TOX2: variants seen among roughly 807,000 people sequenced by gnomAD.
The protein encoded by TOX2 is TOX high mobility group box family member 2.
Under a neutral mutation model 47.4 loss-of-function variants are expected in TOX2, and 15 were observed. The ratio of observed to expected loss-of-function variants is 0.32; its 90% confidence interval spans 0.21 to 0.49. The LOEUF (loss-of-function observed/expected upper bound fraction) is 0.49, where lower values mean the gene tolerates loss of function less well. TOX2 is among the 20% of genes least tolerant of loss of function. TOX2 has a pLI of 0.99. For synonymous variants in TOX2, 290 were observed against 296.6 expected, an observed-to-expected ratio of 0.98 and a Z score of 0.23; for missense variants, 622 against 673.1, an observed-to-expected ratio of 0.92 and a Z score of 0.84.
intron 1 of TOX2, among the ~76,000 whole-genome samples, chr20:43,959,167 C>A (rs1013533706): frequency 2.6e-5 from 4 of 152,144 alleles, no homozygotes; most frequent in Non-Finnish European, 5.9e-5. Flanking sequence ...GCATGCAAAA[C>A]CCTGCCTGTT....
At chr20:44,066,588 T>C in intron 7 of TOX2, 142 bp from the exon 8 acceptor site, 2 of 1,297,180 alleles carry the variant, frequency 1.5e-6, no homozygotes, top group Middle Eastern at 3.7e-4. Flanking sequence ...GGTGCTCTAC[T>C]GGGAGCAAGG....
chr20:44,013,418 C>T (rs1422505151), intron 3 of TOX2, among the ~76,000 whole-genome samples: 2 of 152,220 alleles, frequency 1.3e-5, no homozygotes, highest in Non-Finnish European at 2.9e-5. Context: ...CATAGGAATA[C>T]CCTCCCAAGT....
At chr20:43,976,923 A>C (rs199567639) in intron 2 of TOX2, among the ~76,000 whole-genome samples, 1 of 152,254 alleles carries the variant, frequency 6.6e-6, no homozygotes. Flanking sequence ...TGAAGCCCTC[A>C]CAGCCACTAG....
intron 1 of TOX2, among the ~76,000 whole-genome samples, chr20:43,926,931 G>T (rs150036753): frequency 6.6e-6 from 1 of 152,272 alleles, no homozygotes; most frequent in African/African-American, 2.4e-5. Context: ...TCTCTTTGCT[G>T]CCCCCTCCCT....
intron 3 of TOX2, chr20:44,039,211 T>C: frequency 1.6e-6 from 2 of 1,286,730 alleles, no homozygotes; most frequent in Non-Finnish European, 2.0e-6. Context: ...AAGGCTTCTC[T>C]GAGGAGGTGA....
intron 5 of TOX2, among the ~76,000 whole-genome samples, chr20:44,059,412 A>G (rs1048806796): frequency 5.3e-5 from 8 of 152,216 alleles, no homozygotes; most frequent in African/African-American, 1.9e-4. Context: ...CCTGAGGAAG[A>G]AGAGAAATCT....
At chr20:44,053,730 C>G (rs912375281) in intron 4 of TOX2, among the ~76,000 whole-genome samples, 1 of 151,896 alleles carries the variant, frequency 6.6e-6, no homozygotes, top group African/African-American at 2.4e-5. Context: ...CCTTGGCTAA[C>G]AGGCTCACTC....
intron 1 of TOX2, among the ~76,000 whole-genome samples, chr20:43,920,943 C>T (rs554890376): frequency 4.0e-4 from 61 of 152,252 alleles, no homozygotes; most frequent in African/African-American, 1.4e-3. Context: ...GTATTCCCAG[C>T]GCTAGCCTGA....
chr20:43,946,571 G>T (rs1398219628), intron 1 of TOX2, among the ~76,000 whole-genome samples: 1 of 152,156 alleles, frequency 6.6e-6, no homozygotes, highest in African/African-American at 2.4e-5. Context: ...AAAATTTCTT[G>T]CCAAATTTGG....
intron 1 of TOX2, among the ~76,000 whole-genome samples, chr20:43,951,531 C>T (rs927127294): frequency 3.9e-5 from 6 of 151,958 alleles, no homozygotes; most frequent in Admixed American, 6.5e-5. Flanking sequence ...GAGCTGAGAT[C>T]GTGCCATTGC....
intron 1 of TOX2, chr20:43,945,986 G>A: frequency 1.2e-6 from 2 of 1,614,096 alleles, no homozygotes; most frequent in African/African-American, 2.7e-5. Context: ...ATGAGACTCG[G>A]GCTCCTTCTA....
At chr20:43,921,890 G>A (rs1446791129) in intron 1 of TOX2, among the ~76,000 whole-genome samples, 1 of 152,162 alleles carries the variant, frequency 6.6e-6, no homozygotes, top group Non-Finnish European at 1.5e-5. Context: ...ATTTTCCTGA[G>A]CCTCTGGGTT....
intron 1 of TOX2, among the ~76,000 whole-genome samples, chr20:43,937,581 C>T (rs968948126): frequency 9.9e-5 from 15 of 152,056 alleles, no homozygotes; most frequent in African/African-American, 3.6e-4. Context: ...GAACCATGGA[C>T]TGAGAATGAG....
At chr20:43,917,522 G>A (rs1418915405) in intron 1 of TOX2, among the ~76,000 whole-genome samples, 4 of 152,220 alleles carry the variant, frequency 2.6e-5, no homozygotes, top group African/African-American at 9.6e-5. Flanking sequence ...CAGGGAGCCA[G>A]GCTTTATATA....
At chr20:43,967,357 G>A (rs139276448) in intron 1 of TOX2, among the ~76,000 whole-genome samples, 37 of 152,248 alleles carry the variant, frequency 2.4e-4, no homozygotes, top group Admixed American at 1.1e-3. Flanking sequence ...TGTTGCAACC[G>A]TGAGTAGCCA....
At chr20:43,920,003 T>C (rs954247536) in intron 1 of TOX2, among the ~76,000 whole-genome samples, 1 of 152,210 alleles carries the variant, frequency 6.6e-6, no homozygotes, top group Non-Finnish European at 1.5e-5. Context: ...CCCCCAGAGA[T>C]TGGATTCAGT....
chr20:43,945,831 C>T, intron 1 of TOX2: 4 of 1,575,462 alleles, frequency 2.5e-6, no homozygotes, highest in Non-Finnish European at 3.4e-6. Context: ...GCTGGGCCTC[C>T]AGCCAATAGA....
At chr20:44,045,355 TA>T (rs2071396592) in intron 3 of TOX2, among the ~76,000 whole-genome samples, 1 of 18,422 alleles carries the variant, frequency 5.4e-5, no homozygotes, top group Non-Finnish European at 1.6e-4. Context: ...AGTTGTAAAA[TA>T]AATAGCCTAG....
At chr20:44,045,589 C>T (rs2071399482) in intron 3 of TOX2, among the ~76,000 whole-genome samples, 1 of 152,174 alleles carries the variant, frequency 6.6e-6, no homozygotes, top group Non-Finnish European at 1.5e-5. Context: ...CTGAGTGTTG[C>T]CAGGTTGTTT....
Sources: allele counts gnomAD v4.1 joint callset (sites outside exome capture counted in the v4.1 genomes callset), GRCh38; gene constraint gnomAD v4.1.1; transcripts MANE v1.5; gene names NCBI Gene and HGNC (gene_info 2026-07-23, HGNC 2026-07-21).